MBD5: variants seen among roughly 807,000 people sequenced by gnomAD.
The protein encoded by MBD5 is methyl-CpG binding domain protein 5, also known as methyl-CpG-binding domain protein 5.
In MBD5, 13 loss-of-function variants were observed where a neutral mutation model predicts 117.3. That is an observed-to-expected ratio of 0.11 (90% CI 0.07 to 0.18). The LOEUF (loss-of-function observed/expected upper bound fraction) is 0.18. Among genes scored for constraint, MBD5 ranks in the 10% least tolerant of loss-of-function variants. The pLI, the probability that MBD5 is intolerant of heterozygous loss-of-function variation, is 1.00. For missense variants in MBD5, 1,879 were observed against 2,093.8 expected, an observed-to-expected ratio of 0.90 and a Z score of 2.00; for synonymous variants, 727 against 766.4, an observed-to-expected ratio of 0.95 and a Z score of 0.85.
At chr2:148,186,250 G>T (rs1030081211) in intron 2 of MBD5, among the ~76,000 whole-genome samples, 5 of 152,170 alleles carry the variant, frequency 3.3e-5, no homozygotes, top group African/African-American at 4.8e-5. Context: ...CATGAGATCT[G>T]GTGGTTTTTA....
At chr2:148,208,013 T>C (rs963878549) in intron 2 of MBD5, among the ~76,000 whole-genome samples, 31 of 152,248 alleles carry the variant, frequency 2.0e-4, no homozygotes, top group African/African-American at 6.7e-4. Context: ...GAAATCAGTA[T>C]CACTGGACCC....
chr2:148,153,094 T>C (rs559342470), intron 1 of MBD5, among the ~76,000 whole-genome samples: 79 of 152,110 alleles, frequency 5.2e-4, no homozygotes, highest in African/African-American at 1.9e-3. Context: ...TTCCTTTCCA[T>C]GTTTAGCGCT....
intron 4 of MBD5, among the ~76,000 whole-genome samples, chr2:148,392,861 T>C (rs1704606201): frequency 6.6e-6 from 1 of 152,200 alleles, no homozygotes; most frequent in Non-Finnish European, 1.5e-5. Flanking sequence ...TTTCTCTTTA[T>C]TTATTTAAAT....
rs2105129504 is a variant in MBD5, at chr2:148,490,069, A to G, written c.4437A>G (p.Pro1479=). The stretch of plus-strand genomic sequence containing the variant: ...CATTTCTGCCTGGGGAACAGCACCC[A>G]ATACTGTTACCACCAAGAAACTGTC... ...TLPFLPGEQH[P]ILLPPRNCPG... Residue 1479 remains proline (P), a synonymous_variant, in exon 11 of 14, where the codon CCA becomes CCG. Transcript: ENST00000642680. 1 of 1,614,112 alleles carries G rather than the reference A, an allele frequency of 6.2e-7. No individual in the cohort carries two copies. Among genetic ancestry groups the G allele is most frequent in the Middle Eastern group, 1.6e-4 (1 of 6,062 alleles).
At chr2:148,419,674 T>C (rs1401844502) in intron 4 of MBD5, among the ~76,000 whole-genome samples, 2 of 152,126 alleles carry the variant, frequency 1.3e-5, no homozygotes, top group Non-Finnish European at 2.9e-5. Flanking sequence ...ATTTTACTAT[T>C]TGGTAAGGTA....
intron 2 of MBD5, among the ~76,000 whole-genome samples, chr2:148,230,941 C>A (rs1699967763): frequency 6.6e-6 from 1 of 152,152 alleles, no homozygotes; most frequent in African/African-American, 2.4e-5. Flanking sequence ...CCTCTTTATT[C>A]TTCCTTCTTC....
At chr2:148,399,570 T>G (rs983931718) in intron 4 of MBD5, among the ~76,000 whole-genome samples, 13 of 152,116 alleles carry the variant, frequency 8.5e-5, no homozygotes, top group Admixed American at 2.0e-4. Flanking sequence ...CGATGGGGTT[T>G]TCTAGATATA....
chr2:148,382,480 A>G (rs1413341340), intron 4 of MBD5, among the ~76,000 whole-genome samples: 1 of 152,180 alleles, frequency 6.6e-6, no homozygotes, highest in Non-Finnish European at 1.5e-5. Flanking sequence ...CTACAAAGTG[A>G]CTTAGACTCC....
intron 1 of MBD5, among the ~76,000 whole-genome samples, chr2:148,064,512 A>C (rs1257651623): frequency 6.6e-6 from 1 of 152,116 alleles, no homozygotes; most frequent in Non-Finnish European, 1.5e-5. Flanking sequence ...AGTAGCCTGG[A>C]TCAAAGCTAT....
intron 5 of MBD5, among the ~76,000 whole-genome samples, chr2:148,460,785 T>A: frequency 6.6e-6 from 1 of 152,224 alleles, no homozygotes. Context: ...TTTAATAGAA[T>A]TAAGGAATTC....
intron 1 of MBD5, among the ~76,000 whole-genome samples, chr2:148,074,025 A>G (rs896144380): frequency 2.0e-5 from 3 of 150,844 alleles, no homozygotes; most frequent in Non-Finnish European, 4.4e-5. Context: ...GATTTTTTTT[A>G]TCAGTGAATA....
At chr2:148,083,776 C>T (rs558426066) in intron 1 of MBD5, among the ~76,000 whole-genome samples, 11 of 151,936 alleles carry the variant, frequency 7.2e-5, no homozygotes, top group Non-Finnish European at 1.3e-4. Context: ...TACAGGCGCA[C>T]GCCACCACGC....
In MBD5 at chr2:148,516,704, A is replaced by G. The variant is rs543110638; in HGVS notation, c.*3763A>G. On this transcript the variant is annotated 3_prime_UTR_variant, in exon 14 of 14. Coordinates refer to ENST00000642680, the MANE Select transcript of MBD5 (RefSeq NM_001378120.1). ...GGAGTCTGATATAGAAAAAATATATAAAAAGCATTATCTTCAAATATGAAA... is the reference window on the plus strand; with the variant it reads ...GGAGTCTGATATAGAAAAAATATATGAAAAGCATTATCTTCAAATATGAAA... 2 of 152,374 alleles carry G rather than the reference A, an allele frequency of 1.3e-5. No homozygotes were observed. Among genetic ancestry groups the G allele is most frequent in the South Asian group, 4.1e-4 (2 of 4,832 alleles). 9.4% of individuals were successfully genotyped at this position (152,374 alleles called of 1,614,324 possible).
intron 4 of MBD5, among the ~76,000 whole-genome samples, chr2:148,429,661 C>A (rs1402714895): frequency 6.6e-6 from 1 of 152,076 alleles, no homozygotes; most frequent in Non-Finnish European, 1.5e-5. Context: ...GAATGCTATG[C>A]AGCCATGAAA....
At chr2:148,474,396 A>C (rs1680891836) in intron 8 of MBD5, among the ~76,000 whole-genome samples, 1 of 152,170 alleles carries the variant, frequency 6.6e-6, no homozygotes, top group African/African-American at 2.4e-5. Flanking sequence ...CAAAGAAGGA[A>C]AAAGATTTAG....
intron 1 of MBD5, among the ~76,000 whole-genome samples, chr2:148,040,323 C>T (rs1228842897): frequency 6.6e-6 from 1 of 152,136 alleles, no homozygotes; most frequent in Non-Finnish European, 1.5e-5. Context: ...TGTGACTGCA[C>T]TCCAGCCTTT....
At chr2:148,227,386 CTTGT>C (rs1166191620) in intron 2 of MBD5, among the ~76,000 whole-genome samples, 7 of 152,176 alleles carry the variant, frequency 4.6e-5, no homozygotes, top group African/African-American at 1.7e-4. Context: ...TTCCCCATTG[CTTGT>C]TTTTCTCAGG....
intron 2 of MBD5, among the ~76,000 whole-genome samples, chr2:148,186,437 G>A (rs1369806800): frequency 1.3e-5 from 2 of 152,186 alleles, no homozygotes; most frequent in South Asian, 2.1e-4. Flanking sequence ...TAAAAAAGAA[G>A]CAGTCACAAT....
chr2:148,320,679 C>T (rs1358144837), intron 3 of MBD5, among the ~76,000 whole-genome samples: 2 of 152,102 alleles, frequency 1.3e-5, no homozygotes, highest in African/African-American at 4.8e-5. Flanking sequence ...TTTTTATTTA[C>T]TGACTTAATC....
Sources: allele counts gnomAD v4.1 joint callset (sites outside exome capture counted in the v4.1 genomes callset), GRCh38; gene constraint gnomAD v4.1.1; transcripts MANE v1.5; gene names NCBI Gene and HGNC (gene_info 2026-07-23, HGNC 2026-07-21).